The following ROBO2 variants were observed in gnomAD, a reference collection of about 807,000 sequenced individuals.
ROBO2 encodes roundabout guidance receptor 2.
ROBO2 carries 53 observed loss-of-function variants against 160.8 expected under a neutral mutation model. That is an observed-to-expected ratio of 0.33 (90% CI 0.26 to 0.41). The LOEUF is 0.41. Ranked by LOEUF, ROBO2 falls within the 10% of genes least tolerant of loss-of-function variation. The pLI, the probability that ROBO2 is intolerant of heterozygous loss-of-function variation, is 1.00. For synonymous variants in ROBO2, 664 were observed against 611.7 expected (o/e 1.09, Z -1.26); for missense variants, 1,577 against 1,722.4 (o/e 0.92, Z 1.49).
At chr3:76,878,969 G>A (rs1559641711) in intron 2 of ROBO2, among the ~76,000 whole-genome samples, 1 of 151,950 alleles carries the variant, frequency 6.6e-6, no homozygotes, top group Non-Finnish European at 1.5e-5. Flanking sequence ...AAAAGAAAAA[G>A]AATTAACATA....
At chr3:77,218,781 T>A (rs1473585759) in intron 2 of ROBO2, among the ~76,000 whole-genome samples, 1 of 152,234 alleles carries the variant, frequency 6.6e-6, no homozygotes, top group African/African-American at 2.4e-5. Context: ...TGTGACTGAC[T>A]AATGCGTCTG....
intron 2 of ROBO2, among the ~76,000 whole-genome samples, chr3:76,389,156 G>A (rs985434377): frequency 6.6e-6 from 1 of 152,200 alleles, no homozygotes; most frequent in Admixed American, 6.6e-5. Context: ...GGGTATGCAG[G>A]TCAGTGCATA....
intron 2 of ROBO2, among the ~76,000 whole-genome samples, chr3:77,004,233 A>G (rs963855413): frequency 6.6e-6 from 1 of 152,358 alleles, no homozygotes; most frequent in Non-Finnish European, 1.5e-5. Flanking sequence ...GATTATTGAC[A>G]TTAATTAAAT....
At chr3:76,225,095 T>A (rs1363098970) in intron 2 of ROBO2, among the ~76,000 whole-genome samples, 1 of 152,210 alleles carries the variant, frequency 6.6e-6, no homozygotes, top group African/African-American at 2.4e-5. Context: ...AAATATTTTC[T>A]GAGTCATTTT....
chr3:76,195,059 T>C (rs564908187), intron 2 of ROBO2, among the ~76,000 whole-genome samples: 1 of 152,330 alleles, frequency 6.6e-6, no homozygotes, highest in South Asian at 2.1e-4. Context: ...TTTACATTTG[T>C]GAATAGTCAG....
chr3:76,051,209 T>C (rs1482405050), intron 2 of ROBO2, among the ~76,000 whole-genome samples: 2 of 152,192 alleles, frequency 1.3e-5, no homozygotes, highest in African/African-American at 2.4e-5. Context: ...TTTGAAACTC[T>C]AAAATACATT....
intron 2 of ROBO2, among the ~76,000 whole-genome samples, chr3:76,435,736 C>A (rs1334203314): frequency 6.6e-6 from 1 of 152,108 alleles, no homozygotes; most frequent in Non-Finnish European, 1.5e-5. Context: ...GGGGGTTATT[C>A]TACCAACAAA....
intron 2 of ROBO2, among the ~76,000 whole-genome samples, chr3:76,501,196 A>G (rs2080447204): frequency 6.6e-6 from 1 of 152,144 alleles, no homozygotes; most frequent in African/African-American, 2.4e-5. Flanking sequence ...GACATAAATT[A>G]TTTCTCTTAA....
intron 2 of ROBO2, among the ~76,000 whole-genome samples, chr3:76,181,802 G>C (rs1701517503): frequency 6.9e-6 from 1 of 144,722 alleles, no homozygotes; most frequent in Non-Finnish European, 1.6e-5. Context: ...TAAAAAAAAA[G>C]GATATAGAAA....
intron 2 of ROBO2, among the ~76,000 whole-genome samples, chr3:76,111,690 C>A (rs1311768001): frequency 8.6e-5 from 13 of 151,996 alleles, no homozygotes; most frequent in Non-Finnish European, 1.5e-5. Flanking sequence ...CCTGAAGAGA[C>A]CCTCCATGAG....
chr3:77,311,893 A>G (rs1287117825), intron 2 of ROBO2, among the ~76,000 whole-genome samples: 1 of 152,060 alleles, frequency 6.6e-6, no homozygotes, highest in Non-Finnish European at 1.5e-5. Context: ...TGGAGACTAG[A>G]CAGACCAACA....
At chr3:77,346,019 C>G (rs2067595551) in intron 2 of ROBO2, among the ~76,000 whole-genome samples, 1 of 152,014 alleles carries the variant, frequency 6.6e-6, no homozygotes, top group African/African-American at 2.4e-5. Context: ...TATTATTGTG[C>G]TAATTTTAGT....
intron 2 of ROBO2, among the ~76,000 whole-genome samples, chr3:76,414,973 A>G (rs1485760552): frequency 6.6e-6 from 1 of 152,146 alleles, no homozygotes; most frequent in Non-Finnish European, 1.5e-5. Flanking sequence ...CCAGGTCTTC[A>G]TGACATCATG....
chr3:76,999,155 C>CT (rs575237879), intron 2 of ROBO2, among the ~76,000 whole-genome samples: 105 of 146,758 alleles, frequency 7.2e-4, no homozygotes, highest in Non-Finnish European at 1.0e-3. Flanking sequence ...AGAAGTTTTC[C>CT]TTTTTTTTTT....
At chr3:76,886,778 G>A (rs563346522) in intron 2 of ROBO2, among the ~76,000 whole-genome samples, 55 of 152,264 alleles carry the variant, frequency 3.6e-4, no homozygotes, top group African/African-American at 1.2e-3. Context: ...AGGGTGTGGT[G>A]AGAGATGAGA....
intron 2 of ROBO2, among the ~76,000 whole-genome samples, chr3:76,350,405 T>G (rs1221137323): frequency 6.6e-6 from 1 of 152,110 alleles, no homozygotes; most frequent in South Asian, 2.1e-4. Context: ...CTTAGCACTT[T>G]GAAATATATC....
At chr3:77,373,061 T>C (rs901758465) in intron 2 of ROBO2, among the ~76,000 whole-genome samples, 1 of 147,112 alleles carries the variant, frequency 6.8e-6, no homozygotes, top group African/African-American at 2.5e-5. Context: ...ATAAATTTTA[T>C]AATAAAATAA....
chr3:76,064,169 A>G (rs1412233966), intron 2 of ROBO2, among the ~76,000 whole-genome samples: 1 of 152,228 alleles, frequency 6.6e-6, no homozygotes, highest in Non-Finnish European at 1.5e-5. Context: ...CGTGAGACCC[A>G]GAGCAGAGGA....
intron 2 of ROBO2, among the ~76,000 whole-genome samples, chr3:77,195,653 T>C (rs976452905): frequency 6.6e-6 from 1 of 152,232 alleles, no homozygotes; most frequent in African/African-American, 2.4e-5. Context: ...AAGAAAACTT[T>C]TTAGAACGAA....
Sources: allele counts gnomAD v4.1 joint callset (sites outside exome capture counted in the v4.1 genomes callset), GRCh38; gene constraint gnomAD v4.1.1; transcripts MANE v1.5; gene names NCBI Gene and HGNC (gene_info 2026-07-23, HGNC 2026-07-21).